The following GASK1B variants were observed in gnomAD, a reference collection of about 807,000 sequenced individuals.
GASK1B encodes golgi associated kinase 1B.
In GASK1B, 34 loss-of-function variants were observed where a neutral mutation model predicts 42.8. That is an observed-to-expected ratio of 0.79 (90% CI 0.60 to 1.06). GASK1B has a LOEUF of 1.06. GASK1B is among the 50% of genes least tolerant of loss of function. GASK1B has a pLI of 0.00. For synonymous variants in GASK1B, 262 were observed against 259.1 expected (o/e 1.01, Z -0.11); for missense variants, 686 against 661.0 (o/e 1.04, Z -0.42).
chr4:158,170,741 GC>G lies in GASK1B; in HGVS notation c.634del (p.Ala212ProfsTer5). On this transcript the variant is annotated frameshift_variant, in exon 2 of 5. Transcript: ENST00000585682. LOFTEE classifies it high-confidence loss of function. ...ESNIRIYSES[A>X]PSWLSKDDIR... is the part of the protein sequence containing the mutation. ...GTCATCTTTGCTCAGCCAGGAGGGG[GC>G]GCTCTCGCTGTAGATCCTAATGTTG... 6.2e-7 allele frequency: 1 copy of G among 1,614,252 alleles called. No homozygotes were observed. Among genetic ancestry groups the G allele is most frequent in the Non-Finnish European group, 8.5e-7 (1 of 1,180,050 alleles).
chr4:158,163,896 G>T (rs549518337), intron 2 of GASK1B, among the ~76,000 whole-genome samples: 1 of 152,116 alleles, frequency 6.6e-6, no homozygotes, highest in Non-Finnish European at 1.5e-5. Flanking sequence ...ACATAAAAAT[G>T]CTACTGAATT....
chr4:158,166,132 C>G (rs1299495477), intron 2 of GASK1B, among the ~76,000 whole-genome samples: 1 of 152,074 alleles, frequency 6.6e-6, no homozygotes, highest in East Asian at 1.9e-4. Flanking sequence ...TAATTAATTA[C>G]TATCTTGCCC....
rs557742163 is a variant in GASK1B, at chr4:158,164,915, G to C, written c.910+5551C>G. ...ATATATTTCTCCTACTTTATAATAC[G>C]AAGAGGCAATACAAGTTGGAAAACA... On this transcript the variant is annotated intron_variant, in intron 2 of 4. Coordinates refer to ENST00000585682, the MANE Select transcript of GASK1B (RefSeq NM_001128424.2). 9.9e-5 allele frequency among the ~76,000 whole-genome samples: 15 copies of C among 152,230 alleles called. No individual in the cohort carries two copies. The South Asian group carries it at 3.1e-3, about 32-fold the overall frequency.
intron 4 of GASK1B, 68 bp from the exon 5 acceptor site, chr4:158,127,682 C>T: frequency 7.3e-7 from 1 of 1,373,576 alleles, no homozygotes; most frequent in Non-Finnish European, 9.9e-7. Context: ...CCCAACTGTC[C>T]TGCCTTTCAT....
intron 4 of GASK1B, among the ~76,000 whole-genome samples, chr4:158,129,268 A>G (rs565643371): frequency 6.6e-6 from 1 of 152,292 alleles, no homozygotes; most frequent in Non-Finnish European, 1.5e-5. Flanking sequence ...TTCTTCAGGC[A>G]CTCCTAATTC....
intron 2 of GASK1B, among the ~76,000 whole-genome samples, chr4:158,166,895 A>G (rs571376858): frequency 6.6e-6 from 1 of 152,272 alleles, no homozygotes; most frequent in Admixed American, 6.5e-5. Context: ...ACGCAGATTT[A>G]TGAAAAGAGA....
At position 158,170,498 on chromosome 4, in the gene GASK1B, G is replaced by C. The variant is rs1455434244; in HGVS notation, c.878C>G (p.Pro293Arg). ...DRILGLNRTL[P>R]SVSRKAEFIQ... is the part of the protein sequence containing the mutation. ...GAACTCTGCTTTCCTGCTCACAGAC[G>C]GCAGGGTCCTGTTGAGCCCCAGGAT... is the stretch of plus-strand genomic sequence containing the variant. Residue 293 changes from proline to arginine, a missense_variant, in exon 2 of 5, where the codon CCG (proline) becomes CGG (arginine). Transcript: ENST00000585682. 1.2e-6 allele frequency: 2 copies of C among 1,614,258 alleles called. No individual in the cohort carries two copies. The highest frequency in any genetic ancestry group is 1.7e-6 in the Non-Finnish European group (2 of 1,180,050).
chr4:158,164,571 C>T (rs1560792537), intron 2 of GASK1B, among the ~76,000 whole-genome samples: 1 of 152,172 alleles, frequency 6.6e-6, no homozygotes, highest in Non-Finnish European at 1.5e-5. Flanking sequence ...AGCCTTAGGG[C>T]TTTTCTGAGG....
Position 158,124,531 on chromosome 4 carries a change from G to A in GASK1B, c.*2876C>T, listed in dbSNP as rs1177069283. On this transcript the variant is annotated 3_prime_UTR_variant, in exon 5 of 5. Coordinates refer to ENST00000585682, the MANE Select transcript of GASK1B (RefSeq NM_001128424.2). ...TAATTTTCAGATGAATGCTCTAAAT[G>A]TGTGCTTGTTCTGTGCTGACATAAA... 6.6e-6 allele frequency: 1 copy of A among 152,142 alleles called. No individual in the cohort carries two copies. The highest frequency in any genetic ancestry group is 1.5e-5 in the Non-Finnish European group (1 of 68,016). 9.4% of individuals were successfully genotyped at this position (152,142 alleles called of 1,614,324 possible). A position where few individuals can be genotyped will look rare whatever the true frequency, so the allele number is the denominator to read the frequency against.
chr4:158,171,403 G>C lies in GASK1B; in HGVS notation c.-28C>G, dbSNP rs924667042. The C allele has an allele frequency of 6.6e-7, 1 of 1,523,064 alleles. No individual in the cohort carries two copies. Among genetic ancestry groups the C allele is most frequent in the Non-Finnish European group, 8.8e-7 (1 of 1,133,902 alleles). The allele number at this position is 1,523,064 out of a possible 1,614,324, so 94.3% of individuals were successfully genotyped here. ...CTCTGCCGCATCCACATGTTGAACG[G>C]AGTTTAAAGTCTGCAGTTGGCTCCT... is the stretch of plus-strand genomic sequence containing the variant. On this transcript the variant is annotated 5_prime_UTR_variant, in exon 2 of 5. Coordinates refer to ENST00000585682, the MANE Select transcript of GASK1B (RefSeq NM_001128424.2).
chr4:158,142,346 T>C (rs980189065), intron 3 of GASK1B, among the ~76,000 whole-genome samples: 10 of 152,144 alleles, frequency 6.6e-5, no homozygotes, highest in African/African-American at 2.4e-4. Flanking sequence ...AAGGCAGTGG[T>C]GACCATGAAC....
chr4:158,147,209 A>C (rs1731364475), intron 3 of GASK1B, among the ~76,000 whole-genome samples: 1 of 152,184 alleles, frequency 6.6e-6, no homozygotes, highest in Admixed American at 6.5e-5. Flanking sequence ...TGTATAGATA[A>C]TAATAACTAT....
chr4:158,154,953 T>C (rs1731702876), intron 3 of GASK1B, among the ~76,000 whole-genome samples: 1 of 152,066 alleles, frequency 6.6e-6, no homozygotes, highest in African/African-American at 2.4e-5. Flanking sequence ...AAATCACCGC[T>C]AAATAATGTA....
chr4:158,132,755 C>T (rs532636672), intron 3 of GASK1B, among the ~76,000 whole-genome samples: 1 of 152,234 alleles, frequency 6.6e-6, no homozygotes, highest in East Asian at 1.9e-4. Flanking sequence ...ACACTGCTGG[C>T]CTAGAAACAG....
At position 158,171,193 on chromosome 4, in the gene GASK1B, C is replaced by T; in HGVS notation, c.183G>A (p.Gln61=). The change falls in exon 2 of 5, where the codon CAG becomes CAA. Residue 61 remains glutamine (Q), a synonymous_variant. Transcript: ENST00000585682. Reference sequence around the variant, plus strand: ...GCCCCTTCTCAGCCGCCTGTCCATGCTGGAGAGAGGCCCTCCCCACCTGGC... The same window carrying T: ...GCCCCTTCTCAGCCGCCTGTCCATGTTGGAGAGAGGCCCTCCCCACCTGGC... The part of the protein sequence containing the change: ...LVSQVGRASL[Q]HGQAAEKGPH... The T allele has an allele frequency of 1.9e-6, 3 of 1,613,662 alleles. No homozygotes were observed. The highest frequency in any genetic ancestry group is 2.5e-6 in the Non-Finnish European group (3 of 1,179,766).
intron 3 of GASK1B, among the ~76,000 whole-genome samples, chr4:158,142,089 C>T (rs932401812): frequency 1.3e-4 from 19 of 149,942 alleles, no homozygotes; most frequent in Non-Finnish European, 2.5e-4. Context: ...GGACTACAGG[C>T]GCCCGCCACC....
rs1730426139 is a variant in GASK1B at position 158,125,747 on chromosome 4, A to G, written c.*1660T>C. 1 of 152,174 alleles carries G rather than the reference A, an allele frequency of 6.6e-6. No homozygotes were observed. Among genetic ancestry groups the G allele is most frequent in the Non-Finnish European group, 1.5e-5 (1 of 68,014 alleles). 9.4% of individuals were successfully genotyped at this position (152,174 alleles called of 1,614,324 possible). ...ACTGTCCAGGGGGCGAGCACAGCCCATAAGGGTGCTAAAAGTAGTACATGA... is the reference window on the plus strand; with the variant it reads ...ACTGTCCAGGGGGCGAGCACAGCCCGTAAGGGTGCTAAAAGTAGTACATGA... On this transcript the variant is annotated 3_prime_UTR_variant, in exon 5 of 5. Coordinates refer to ENST00000585682, the MANE Select transcript of GASK1B (RefSeq NM_001128424.2).
chr4:158,154,597 A>G (rs899146803), intron 3 of GASK1B, among the ~76,000 whole-genome samples: 1 of 152,254 alleles, frequency 6.6e-6, no homozygotes, highest in African/African-American at 2.4e-5. Flanking sequence ...TTGCAAAAAT[A>G]TGCAACCAGA....
In GASK1B at chr4:158,170,555, A is replaced by T; in HGVS notation, c.821T>A (p.Met274Lys). The T allele has an allele frequency of 6.2e-7, 1 of 1,614,246 alleles. No individual in the cohort carries two copies. ...PCGLLKQPLDMSEVFAFHLDR... is the reference protein window; with the variant it reads ...PCGLLKQPLDKSEVFAFHLDR... ...TAGGTGGAAGGCAAACACCTCACTC[A>T]TGTCCAAGGGCTGCTTGAGAAGCCC... The change falls in exon 2 of 5, where the codon ATG (methionine) becomes AAG (lysine). Residue 274 changes from methionine to lysine, a missense_variant. Transcript: ENST00000585682.
Sources: allele counts gnomAD v4.1 joint callset (sites outside exome capture counted in the v4.1 genomes callset), GRCh38; gene constraint gnomAD v4.1.1; transcripts MANE v1.5; gene names NCBI Gene and HGNC (gene_info 2026-07-23, HGNC 2026-07-21).